Variants in RMDN2 observed in about 807,000 individuals in gnomAD.
The protein encoded by RMDN2 is regulator of microtubule dynamics protein 2.
In RMDN2, 61 loss-of-function variants were observed where a neutral mutation model predicts 52.8. That is an observed-to-expected ratio of 1.16 (90% confidence interval 0.94 to 1.43). The LOEUF (loss-of-function observed/expected upper bound fraction) is 1.43, where lower values mean the gene tolerates loss of function less well. Among genes scored for constraint, RMDN2 ranks in the 40% most tolerant of loss-of-function variants. The probability of loss-of-function intolerance (pLI) is 0.00; values close to 1 mark genes in which losing one functional copy is unlikely to be tolerated. For synonymous variants in RMDN2, 180 were observed against 153.1 expected, an observed-to-expected ratio of 1.18 and a Z score of -1.30; for missense variants, 592 against 475.3, an observed-to-expected ratio of 1.25 and a Z score of -2.28.
intron 2 of RMDN2, among the ~76,000 whole-genome samples, chr2:37,933,138 AGCAGG>A (rs1441379438): frequency 6.7e-6 from 1 of 150,230 alleles, no homozygotes; most frequent in Non-Finnish European, 1.5e-5. Context: ...CGGACGGGGC[AGCAGG>A]GCAGAGGTGC....
At chr2:37,950,278 G>T (rs1017141146) in intron 2 of RMDN2, 4 of 525,374 alleles carry the variant, frequency 7.6e-6, no homozygotes, top group Non-Finnish European at 1.4e-5. Flanking sequence ...TCCTTATCCA[G>T]CTGTTTTCCC....
At chr2:38,024,694 C>G (rs1280254990) in intron 10 of RMDN2, among the ~76,000 whole-genome samples, 3 of 152,046 alleles carry the variant, frequency 2.0e-5, no homozygotes, top group African/African-American at 4.8e-5. Context: ...ATTTGGATAT[C>G]TAATTATTTC....
intron 10 of RMDN2, chr2:38,012,565 A>T (rs1304228389): frequency 8.6e-6 from 4 of 466,138 alleles, no homozygotes; most frequent in South Asian, 6.4e-5. Flanking sequence ...GCAAAATAGT[A>T]TGAGCAAATA....
At chr2:38,044,002 T>C (rs934852655) in intron 10 of RMDN2, among the ~76,000 whole-genome samples, 7 of 152,054 alleles carry the variant, frequency 4.6e-5, no homozygotes, top group African/African-American at 1.7e-4. Flanking sequence ...TCCTTCTCTT[T>C]TAGAAATTTC....
chr2:38,010,023 G>T (rs914395085), intron 10 of RMDN2, among the ~76,000 whole-genome samples: 2 of 152,214 alleles, frequency 1.3e-5, no homozygotes, highest in Admixed American at 1.3e-4. Flanking sequence ...CTGCAGAACA[G>T]TGGATATTCG....
chr2:38,023,114 A>G (rs1679518483), intron 10 of RMDN2, among the ~76,000 whole-genome samples: 1 of 152,240 alleles, frequency 6.6e-6, no homozygotes, highest in African/African-American at 2.4e-5. Context: ...ACAGCAACCT[A>G]TGAGGAAGAA....
At chr2:37,948,523 A>G (rs1442106687) in intron 2 of RMDN2, among the ~76,000 whole-genome samples, 3 of 152,128 alleles carry the variant, frequency 2.0e-5, no homozygotes, top group African/African-American at 7.2e-5. Context: ...ATTGGGAATG[A>G]ATTGAAGGAC....
intron 4 of RMDN2, among the ~76,000 whole-genome samples, chr2:37,977,821 C>G (rs1033320447): frequency 1.3e-5 from 2 of 151,518 alleles, no homozygotes; most frequent in East Asian, 3.9e-4. Context: ...GGAAGAGGCG[C>G]TCCTCAGTTC....
At chr2:38,003,641 G>T (rs888430412) in intron 8 of RMDN2, among the ~76,000 whole-genome samples, 4 of 151,358 alleles carry the variant, frequency 2.6e-5, no homozygotes, top group Non-Finnish European at 5.9e-5. Context: ...TATAGGACTT[G>T]TCCTAGGAAT....
intron 5 of RMDN2, among the ~76,000 whole-genome samples, chr2:37,988,947 G>A (rs1381563720): frequency 6.6e-6 from 1 of 152,168 alleles, no homozygotes; most frequent in Non-Finnish European, 1.5e-5. Flanking sequence ...TAGCAATGAA[G>A]TGTTTCCAGG....
At chr2:38,018,397 TAA>T (rs1041221642), downstream of RMDN2, among the ~76,000 whole-genome samples, 15 of 152,230 alleles carry the variant, frequency 9.9e-5, no homozygotes, top group African/African-American at 3.4e-4. Flanking sequence ...TGAAAAGTAT[TAA>T]ATCTTTAGTC....
At chr2:38,022,534 C>T (rs191176227), downstream of RMDN2, among the ~76,000 whole-genome samples, 4 of 152,320 alleles carry the variant, frequency 2.6e-5, no homozygotes, top group Admixed American at 6.5e-5. Context: ...CTTTGGAAAG[C>T]GGGAGTTCTG....
intron 2 of RMDN2, among the ~76,000 whole-genome samples, chr2:37,930,065 G>A (rs1666598133): frequency 6.6e-6 from 1 of 152,202 alleles, no homozygotes; most frequent in Non-Finnish European, 1.5e-5. Context: ...GACCACTCCT[G>A]TTCAAAAGAA....
intron 2 of RMDN2, among the ~76,000 whole-genome samples, chr2:37,963,541 A>C (rs1443756011): frequency 6.6e-6 from 1 of 152,130 alleles, no homozygotes; most frequent in Non-Finnish European, 1.5e-5. Context: ...GCTGCCTTCA[A>C]GCATCTGTTT....
downstream of RMDN2, among the ~76,000 whole-genome samples, chr2:38,021,933 A>G (rs935421397): frequency 9.2e-5 from 14 of 152,224 alleles, no homozygotes; most frequent in Admixed American, 9.2e-4. Flanking sequence ...GACCCCTGCT[A>G]TAGAGGATAC....
chr2:37,937,523 C>G (rs188306227), intron 2 of RMDN2, among the ~76,000 whole-genome samples: 44 of 152,270 alleles, frequency 2.9e-4, no homozygotes, highest in Admixed American at 6.5e-4. Flanking sequence ...TTCTTCCTAT[C>G]CATGAGCATG....
chr2:37,951,196 A>ATT, intron 2 of RMDN2: 1 of 1,511,170 alleles, frequency 6.6e-7, no homozygotes. Context: ...TCTGCTCCCT[A>ATT]TTTTTTTTCC....
intron 2 of RMDN2, among the ~76,000 whole-genome samples, chr2:37,971,108 A>G (rs992869525): frequency 6.6e-6 from 1 of 151,976 alleles, no homozygotes; most frequent in African/African-American, 2.4e-5. Context: ...TTATGATGTC[A>G]TGTCTAAGAA....
In RMDN2 at chr2:37,985,730, A is replaced by G. The variant is rs143364576; in HGVS notation, c.792-3811A>G. On this transcript the variant is annotated intron_variant, in intron 5 of 10. Transcript: ENST00000354545. ...ATATGATGGATCACAACAGTAACTC[A>G]AAAGATTTTAACATGTTGAAAAAGA... Among the ~76,000 whole-genome samples, 18 of 152,332 alleles carry G rather than the reference A, an allele frequency of 1.2e-4. No individual in the cohort carries two copies. In the East Asian group the frequency reaches 1.9e-3, roughly 16 times the overall value.
Sources: gnomAD v4.1 joint callset for allele counts (sites outside exome capture counted in the v4.1 genomes callset) on GRCh38, gnomAD v4.1.1 for gene constraint, MANE v1.5 for transcripts, NCBI Gene and HGNC (gene_info 2026-07-23, HGNC 2026-07-21) for gene names.